Variants in LINGO2 observed in about 807,000 individuals in gnomAD.
LINGO2 encodes the protein leucine-rich repeat and immunoglobulin-like domain-containing nogo receptor-interacting protein 2.
In LINGO2, 14 loss-of-function variants were observed where a neutral mutation model predicts 30.6. That is an observed-to-expected ratio of 0.46 (90% CI 0.30 to 0.72). The LOEUF (loss-of-function observed/expected upper bound fraction) is 0.72. Among genes scored for constraint, LINGO2 ranks in the 30% least tolerant of loss-of-function variants. The probability of loss-of-function intolerance (pLI) is 0.07; values close to 1 mark genes in which losing one functional copy is unlikely to be tolerated. For synonymous variants in LINGO2, 317 were observed against 288.5 expected (o/e 1.10, Z -1.00); for missense variants, 729 against 751.7 (o/e 0.97, Z 0.35).
chr9:28,612,397 G>C (rs1825956699), intron 1 of LINGO2, among the ~76,000 whole-genome samples: 1 of 152,118 alleles, frequency 6.6e-6, no homozygotes, highest in Admixed American at 6.5e-5. Context: ...AAACATTAAT[G>C]TTGATTCTAT....
At chr9:28,613,965 C>G (rs1826029368) in intron 1 of LINGO2, among the ~76,000 whole-genome samples, 1 of 152,038 alleles carries the variant, frequency 6.6e-6, no homozygotes, top group Admixed American at 6.6e-5. Context: ...ATTATTTTAA[C>G]TATTTAAACA....
chr9:29,041,931 A>G, the LINGO2 span, among the ~76,000 whole-genome samples: 4 of 152,186 alleles, frequency 2.6e-5, no homozygotes, highest in South Asian at 2.1e-4. Context: ...GAATATATAA[A>G]GAACTTTAGA....
intron 2 of LINGO2, among the ~76,000 whole-genome samples, chr9:28,377,708 A>T (rs549627245): frequency 1.2e-3 from 178 of 152,290 alleles, no homozygotes; most frequent in Middle Eastern, 3.4e-3. Context: ...GCAAAGAACA[A>T]TATGATACTT....
chr9:28,048,582 C>CAGT (rs1387773883), intron 4 of LINGO2, among the ~76,000 whole-genome samples: 1 of 150,582 alleles, frequency 6.6e-6, no homozygotes, highest in Non-Finnish European at 1.5e-5. Flanking sequence ...CTCTTTTGGA[C>CAGT]AGTAATTAAG....
At chr9:28,639,163 C>G (rs368088376) in intron 1 of LINGO2, among the ~76,000 whole-genome samples, 6 of 152,118 alleles carry the variant, frequency 3.9e-5, no homozygotes, top group South Asian at 4.2e-4. Context: ...GTTCTAGTTT[C>G]ATTGCACTGT....
intron 3 of LINGO2, among the ~76,000 whole-genome samples, chr9:28,303,872 C>A (rs760771730): frequency 3.3e-5 from 5 of 151,838 alleles, no homozygotes; most frequent in Non-Finnish European, 5.9e-5. Context: ...GCAGGAGAAC[C>A]AACACACTGG....
At chr9:28,734,066 C>T in the LINGO2 span, among the ~76,000 whole-genome samples, 1,494 of 152,094 alleles carry the variant, frequency 9.8e-3, 25 homozygotes, top group African/African-American at 0.033. Context: ...TGATTTTTTT[C>T]TCTCTCTCTA....
chr9:28,991,351 A>G, the LINGO2 span, among the ~76,000 whole-genome samples: 2 of 151,508 alleles, frequency 1.3e-5, no homozygotes, highest in East Asian at 3.9e-4. Flanking sequence ...GCCTCCAAGA[A>G]ATATGGGACT....
intron 4 of LINGO2, among the ~76,000 whole-genome samples, chr9:28,208,455 C>G (rs1334222371): frequency 2.0e-5 from 3 of 151,994 alleles, no homozygotes; most frequent in African/African-American, 4.8e-5. Flanking sequence ...TTTAAGGAAG[C>G]TAGAATTATA....
At chr9:28,621,520 T>C (rs755699370) in intron 1 of LINGO2, among the ~76,000 whole-genome samples, 6 of 151,942 alleles carry the variant, frequency 3.9e-5, no homozygotes, top group African/African-American at 7.2e-5. Flanking sequence ...CACAGGTTAG[T>C]TTTACATTTT....
intron 1 of LINGO2, among the ~76,000 whole-genome samples, chr9:28,514,193 C>T (rs560287793): frequency 6.6e-6 from 1 of 152,284 alleles, no homozygotes; most frequent in East Asian, 1.9e-4. Context: ...CTCTCCCTCT[C>T]CTTGGACCAC....
At chr9:28,575,586 GT>G (rs1183559120) in intron 1 of LINGO2, among the ~76,000 whole-genome samples, 1 of 151,818 alleles carries the variant, frequency 6.6e-6, no homozygotes, top group Non-Finnish European at 1.5e-5. Flanking sequence ...ACTAACTTTT[GT>G]ATACTATGCC....
intron 1 of LINGO2, among the ~76,000 whole-genome samples, chr9:28,555,168 G>C (rs1822576608): frequency 7.6e-6 from 1 of 131,748 alleles, no homozygotes; most frequent in African/African-American, 3.3e-5. Flanking sequence ...GAAGGAAATA[G>C]AGACACAAAA....
chr9:28,172,039 A>AAC (rs1828611269), intron 4 of LINGO2, among the ~76,000 whole-genome samples: 1 of 137,810 alleles, frequency 7.3e-6, no homozygotes, highest in Non-Finnish European at 1.6e-5. Flanking sequence ...AAAAACAAAA[A>AAC]AAAAAACCCA....
chr9:29,188,871 C>T, the LINGO2 span, among the ~76,000 whole-genome samples: 1 of 142,052 alleles, frequency 7.0e-6, no homozygotes, highest in African/African-American at 2.6e-5. Context: ...GGCGGCTGGC[C>T]GGGCAGAGGG....
At chr9:29,017,386 A>G in the LINGO2 span, among the ~76,000 whole-genome samples, 10 of 152,270 alleles carry the variant, frequency 6.6e-5, no homozygotes, top group African/African-American at 2.2e-4. Flanking sequence ...AATCAAAGCA[A>G]AAAGAGAAAA....
chr9:27,938,531 G>A, the LINGO2 span: 1 of 152,156 alleles, frequency 6.6e-6, no homozygotes, highest in Non-Finnish European at 1.5e-5. Context: ...TAGCCCTAGG[G>A]ACTCTCACTC....
At chr9:28,895,131 T>C in the LINGO2 span, among the ~76,000 whole-genome samples, 3 of 152,094 alleles carry the variant, frequency 2.0e-5, no homozygotes, top group Non-Finnish European at 4.4e-5. Flanking sequence ...ACTTCATAGG[T>C]CAAATACTAG....
At chr9:29,200,892 G>A in the LINGO2 span, among the ~76,000 whole-genome samples, 1 of 151,984 alleles carries the variant, frequency 6.6e-6, no homozygotes, top group Non-Finnish European at 1.5e-5. Flanking sequence ...TCTGTATAAT[G>A]TTCCTTGGTT....
Sources: gnomAD v4.1 joint callset for allele counts (sites outside exome capture counted in the v4.1 genomes callset) on GRCh38, gnomAD v4.1.1 for gene constraint, MANE v1.5 for transcripts, NCBI Gene and HGNC (gene_info 2026-07-23, HGNC 2026-07-21) for gene names.